The following CHCHD3 variants were observed in gnomAD, a reference collection of about 807,000 sequenced individuals.
CHCHD3 encodes coiled-coil-helix-coiled-coil-helix domain containing 3, also known as MICOS complex subunit MIC19.
CHCHD3 carries 20 observed loss-of-function variants against 38.2 expected under a neutral mutation model. The observed-to-expected ratio is 0.52, with a 90% confidence interval of 0.37 to 0.76. The LOEUF (loss-of-function observed/expected upper bound fraction) is 0.76. Among genes scored for constraint, CHCHD3 ranks in the 30% least tolerant of loss-of-function variants. The probability of loss-of-function intolerance (pLI) is 0.00; values close to 1 mark genes in which losing one functional copy is unlikely to be tolerated. For missense variants in CHCHD3, 245 were observed against 279.2 expected (o/e 0.88, Z 0.87); for synonymous variants, 82 against 100.0 (o/e 0.82, Z 1.07).
intron 5 of CHCHD3, among the ~76,000 whole-genome samples, chr7:132,875,229 A>G (rs1808867216): frequency 6.6e-6 from 1 of 152,192 alleles, no homozygotes; most frequent in Admixed American, 6.5e-5. Flanking sequence ...GAAGGCCTGT[A>G]GAAAAGAAAT....
intron 5 of CHCHD3, among the ~76,000 whole-genome samples, chr7:132,881,465 T>C (rs2117167752): frequency 6.6e-6 from 1 of 152,294 alleles, no homozygotes; most frequent in South Asian, 2.1e-4. Context: ...TGATAACGTG[T>C]ACAATTGCTG....
At chr7:132,939,894 T>C (rs1810722987) in intron 4 of CHCHD3, among the ~76,000 whole-genome samples, 1 of 152,212 alleles carries the variant, frequency 6.6e-6, no homozygotes, top group African/African-American at 2.4e-5. Flanking sequence ...CCCCGGAGCC[T>C]ATCAACTAAT....
At chr7:133,066,640 G>C (rs561302321) in intron 2 of CHCHD3, among the ~76,000 whole-genome samples, 1 of 152,184 alleles carries the variant, frequency 6.6e-6, no homozygotes, top group Admixed American at 6.5e-5. Context: ...ATTTCAAATG[G>C]GGAGTGAGAA....
At chr7:132,853,329 A>G (rs1265509513) in intron 5 of CHCHD3, among the ~76,000 whole-genome samples, 1 of 152,204 alleles carries the variant, frequency 6.6e-6, no homozygotes, top group Non-Finnish European at 1.5e-5. Context: ...GACACAAATG[A>G]GTAAGACAGA....
chr7:132,997,845 G>A (rs994008910), intron 3 of CHCHD3, among the ~76,000 whole-genome samples: 4 of 152,070 alleles, frequency 2.6e-5, no homozygotes, highest in African/African-American at 9.7e-5. Flanking sequence ...GGAGATGATG[G>A]CTATCATGGA....
At chr7:132,825,406 GC>G (rs1414514204) in intron 6 of CHCHD3, among the ~76,000 whole-genome samples, 2 of 152,174 alleles carry the variant, frequency 1.3e-5, no homozygotes, top group Non-Finnish European at 2.9e-5. Flanking sequence ...TTCAAAAACA[GC>G]CCCAAACCAA....
At chr7:132,944,068 A>T (rs1409525495) in intron 4 of CHCHD3, among the ~76,000 whole-genome samples, 1 of 152,126 alleles carries the variant, frequency 6.6e-6, no homozygotes, top group African/African-American at 2.4e-5. Flanking sequence ...ATTAAAATAT[A>T]CTCTTTAAAC....
chr7:133,071,108 G>T (rs1814808398), intron 1 of CHCHD3, among the ~76,000 whole-genome samples: 1 of 152,182 alleles, frequency 6.6e-6, no homozygotes, highest in African/African-American at 2.4e-5. Context: ...TTGCGGATTT[G>T]AGAGTCATCA....
At position 132,900,240 on chromosome 7, in the gene CHCHD3, G is replaced by T. The variant is rs553962176; in HGVS notation, c.370-14495C>A. 7.1e-4 allele frequency among the ~76,000 whole-genome samples: 10 copies of T among 13,998 alleles called. No individual in the cohort carries two copies. The South Asian group carries it at 0.018, about 25-fold the overall frequency. 9.2% of individuals were successfully genotyped at this position (13,998 alleles called of 152,430 possible). On this transcript the variant is annotated intron_variant, in intron 4 of 7. Coordinates refer to ENST00000262570, the MANE Select transcript of CHCHD3 (RefSeq NM_017812.4). The stretch of plus-strand genomic sequence containing the variant: ...CTCATTGCTGCTAACCAATAATCAG[G>T]CATGTTCATCCTGTTTATGTTTCTT...
intron 2 of CHCHD3, among the ~76,000 whole-genome samples, chr7:133,032,648 AG>A (rs763135634): frequency 2.0e-5 from 3 of 152,324 alleles, no homozygotes; most frequent in Admixed American, 6.5e-5. Context: ...ATAGCCGTAT[AG>A]CAAGAGATAA....
chr7:132,973,649 C>T lies in CHCHD3; in HGVS notation c.369+1520G>A, dbSNP rs77339176. On this transcript the variant is annotated intron_variant, in intron 4 of 7. Coordinates refer to ENST00000262570, the MANE Select transcript of CHCHD3 (RefSeq NM_017812.4). ...TGGCTTCACTATTTGCCCATGCAAC[C>T]GGGACCCCAGATTTGTCACTGAAGA... The T allele has an allele frequency of 8.4e-5, 86 of 1,020,836 alleles. No homozygotes were observed. In the East Asian group the frequency reaches 5.3e-3, roughly 63 times the overall value. 63.2% of individuals were successfully genotyped at this position (1,020,836 alleles called of 1,614,324 possible). A position where few individuals can be genotyped will look rare whatever the true frequency, so the allele number is the denominator to read the frequency against.
intron 3 of CHCHD3, among the ~76,000 whole-genome samples, chr7:132,976,572 T>C (rs1263700648): frequency 2.0e-5 from 3 of 152,320 alleles, no homozygotes; most frequent in East Asian, 1.9e-4. Context: ...CTTTTCTTCT[T>C]TGAGAGAATA....
intron 4 of CHCHD3, among the ~76,000 whole-genome samples, chr7:132,914,123 CGTGTGTGTGTGTGTGTGTGTGTGTGTGT>C (rs200561468): frequency 1.3e-4 from 17 of 132,290 alleles, no homozygotes; most frequent in Admixed American, 7.4e-5. Flanking sequence ...CCATGCCTGG[CGTGTGTGTGTGTGTGTGTGTGTGTGTGT>C]GTGTGTGTGT....
chr7:132,933,345 G>A (rs1810560043), intron 4 of CHCHD3, among the ~76,000 whole-genome samples: 1 of 152,176 alleles, frequency 6.6e-6, no homozygotes, highest in African/African-American at 2.4e-5. Context: ...TTCTGATGGT[G>A]TGCTCAGCAT....
At chr7:132,816,621 T>C (rs1807206512) in intron 6 of CHCHD3, among the ~76,000 whole-genome samples, 1 of 152,178 alleles carries the variant, frequency 6.6e-6, no homozygotes, top group Non-Finnish European at 1.5e-5. Flanking sequence ...CCAGGCACCA[T>C]CTTACTGCCA....
At chr7:132,971,686 C>T (rs1811616697) in intron 4 of CHCHD3, among the ~76,000 whole-genome samples, 1 of 148,764 alleles carries the variant, frequency 6.7e-6, no homozygotes, top group Non-Finnish European at 1.5e-5. Context: ...CACATCAGCT[C>T]CCGTGCTTTC....
At chr7:133,024,743 A>G in intron 2 of CHCHD3, 116 bp from the exon 3 acceptor site, 1 of 762,052 alleles carries the variant, frequency 1.3e-6, no homozygotes, top group Non-Finnish European at 2.3e-6. Context: ...AGTTCTGCCA[A>G]GTGGCCAGCG....
At chr7:133,042,456 C>T (rs1813859503) in intron 2 of CHCHD3, among the ~76,000 whole-genome samples, 1 of 152,172 alleles carries the variant, frequency 6.6e-6, no homozygotes, top group Non-Finnish European at 1.5e-5. Flanking sequence ...TTACTCAAAC[C>T]ATCCTTATCC....
chr7:132,886,947 T>C, intron 4 of CHCHD3: 5 of 1,286,380 alleles, frequency 3.9e-6, no homozygotes, highest in East Asian at 3.1e-5. Flanking sequence ...TACTTGCACA[T>C]TTATAGGTTA....
Sources: allele counts gnomAD v4.1 joint callset (sites outside exome capture counted in the v4.1 genomes callset), GRCh38; gene constraint gnomAD v4.1.1; transcripts MANE v1.5; gene names NCBI Gene and HGNC (gene_info 2026-07-23, HGNC 2026-07-21).